TAOK3: variants seen among roughly 807,000 people sequenced by gnomAD.
The protein encoded by TAOK3 is TAO kinase 3.
TAOK3 carries 40 observed loss-of-function variants against 120.4 expected under a neutral mutation model. That is an observed-to-expected ratio of 0.33 (90% CI 0.26 to 0.43). The LOEUF (loss-of-function observed/expected upper bound fraction) is 0.43. TAOK3 is among the 20% of genes least tolerant of loss of function. The pLI is 1.00. For synonymous variants in TAOK3, 355 were observed against 387.5 expected (o/e 0.92, Z 0.99); for missense variants, 821 against 1,112.1 (o/e 0.74, Z 3.72).
At chr12:118,240,110 GAT>G (rs1162619020) in intron 5 of TAOK3, among the ~76,000 whole-genome samples, 1 of 151,998 alleles carries the variant, frequency 6.6e-6, no homozygotes, top group Non-Finnish European at 1.5e-5. Context: ...GGAGGCTATC[GAT>G]AGTTATTGGG....
intron 17 of TAOK3, among the ~76,000 whole-genome samples, chr12:118,168,522 T>C (rs992539215): frequency 2.0e-5 from 3 of 152,238 alleles, no homozygotes; most frequent in Non-Finnish European, 4.4e-5. Flanking sequence ...AAAAGAACTT[T>C]CACTACTTAG....
At chr12:118,292,734 A>C (rs2042532062) in intron 1 of TAOK3, among the ~76,000 whole-genome samples, 2 of 152,166 alleles carry the variant, frequency 1.3e-5, no homozygotes, top group South Asian at 2.1e-4. Flanking sequence ...GAACTACAAG[A>C]CTGCTGAATA....
chr12:118,222,576 T>C (rs1019681355), intron 9 of TAOK3, among the ~76,000 whole-genome samples: 3 of 151,390 alleles, frequency 2.0e-5, no homozygotes, highest in Non-Finnish European at 4.4e-5. Context: ...ATATACACCA[T>C]GGAGTACTAC....
chr12:118,196,564 A>C (rs574064169), intron 13 of TAOK3, among the ~76,000 whole-genome samples: 80 of 152,302 alleles, frequency 5.3e-4, no homozygotes, highest in Middle Eastern at 3.4e-3. Context: ...TGATTATAAC[A>C]ATCAAGGGAC....
intron 1 of TAOK3, among the ~76,000 whole-genome samples, chr12:118,308,207 C>G (rs1000413078): frequency 6.6e-6 from 1 of 151,964 alleles, no homozygotes; most frequent in African/African-American, 2.4e-5. Context: ...AATGCCATGA[C>G]AGTTTACAGA....
At position 118,332,975 on chromosome 12, in the gene TAOK3, A is replaced by AACACACACACACACACACACACACAC. The variant is rs146893418; in HGVS notation, c.-194+39672_-194+39673insGTGTGTGTGTGTGTGTGTGTGTGTGT. ...TGTACATGCACCAAACAACAGTTTC[A>AACACACACACACACACACACACACAC]ACACACACACACACACACACAGATA... is the stretch of plus-strand genomic sequence containing the variant. On this transcript the variant is annotated intron_variant, in intron 1 of 20. Coordinates refer to ENST00000392533, the MANE Select transcript of TAOK3 (RefSeq NM_016281.4). Among the ~76,000 whole-genome samples, 774 of 149,720 alleles carry AACACACACACACACACACACACACAC rather than the reference A, an allele frequency of 5.2e-3. 7 individuals are homozygous for AACACACACACACACACACACACACAC. Among genetic ancestry groups the AACACACACACACACACACACACACAC allele is most frequent in the South Asian group, 0.02 (96 of 4,728 alleles).
At position 118,306,399 on chromosome 12, in the gene TAOK3, A is replaced by T. The variant is rs1348610548; in HGVS notation, c.-193-39640T>A. Reference sequence around the variant, plus strand: ...CACTATGTTGCCCAGGCTAGTGTCGAACTCCTGGGCTCAAGTGATCCTCCT... The same window carrying T: ...CACTATGTTGCCCAGGCTAGTGTCGTACTCCTGGGCTCAAGTGATCCTCCT... On this transcript the variant is annotated intron_variant, in intron 1 of 20. Transcript: ENST00000392533. Among the ~76,000 whole-genome samples, 6 of 152,088 alleles carry T rather than the reference A, an allele frequency of 3.9e-5. No homozygotes were observed. The East Asian group carries it at 7.7e-4, about 20-fold the overall frequency.
At chr12:118,213,906 A>T in intron 10 of TAOK3, 111 bp downstream of exon 10, 1 of 903,618 alleles carries the variant, frequency 1.1e-6, no homozygotes, top group Non-Finnish European at 1.7e-6. Context: ...AACAACATAC[A>T]GTGAAGGAAA....
chr12:118,358,361 T>A (rs192208005), intron 1 of TAOK3, among the ~76,000 whole-genome samples: 1 of 152,218 alleles, frequency 6.6e-6, no homozygotes, highest in East Asian at 1.9e-4. Context: ...CTGACTTTTC[T>A]GTCTCTAAAT....
intron 9 of TAOK3, among the ~76,000 whole-genome samples, chr12:118,216,797 C>T (rs964585730): frequency 4.6e-5 from 7 of 151,870 alleles, no homozygotes; most frequent in Non-Finnish European, 8.8e-5. Flanking sequence ...GGCGTGGTGG[C>T]GGGCACCTGT....
intron 3 of TAOK3, among the ~76,000 whole-genome samples, chr12:118,249,956 G>T (rs1333112732): frequency 6.6e-6 from 1 of 152,126 alleles, no homozygotes; most frequent in Non-Finnish European, 1.5e-5. Flanking sequence ...GCTTTAGGTG[G>T]GTTATGGATA....
chr12:118,366,915 C>T (rs2045755402), intron 1 of TAOK3, among the ~76,000 whole-genome samples: 2 of 152,168 alleles, frequency 1.3e-5, no homozygotes, highest in Non-Finnish European at 2.9e-5. Context: ...CATGGTGAAA[C>T]CCCATCTCTA....
chr12:118,350,263 G>A (rs1008122634), intron 1 of TAOK3, among the ~76,000 whole-genome samples: 8 of 152,102 alleles, frequency 5.3e-5, no homozygotes, highest in Non-Finnish European at 1.2e-4. Flanking sequence ...TCTTCACAAT[G>A]AGGGGTACAT....
intron 11 of TAOK3, among the ~76,000 whole-genome samples, chr12:118,207,642 G>T (rs2038394990): frequency 6.6e-6 from 1 of 152,108 alleles, no homozygotes. Flanking sequence ...ATTACTTGAG[G>T]TCAGGAGTTT....
intron 11 of TAOK3, 83 bp downstream of exon 11, chr12:118,212,831 G>A (rs2139474536): frequency 2.1e-6 from 2 of 947,410 alleles, no homozygotes; most frequent in Non-Finnish European, 3.2e-6. Context: ...TTGTCATGAT[G>A]AGCTGCCACA....
rs550574889 is a variant in TAOK3 at position 118,226,576 on chromosome 12, C to T, written c.643+7098G>A. On this transcript the variant is annotated intron_variant, in intron 9 of 20. Transcript: ENST00000392533. ...ATTTACAGACTTGAGATAATTTGAC[C>T]AAAGTCAGACAACTACAAAATGGCA... 1.1e-4 allele frequency among the ~76,000 whole-genome samples: 17 copies of T among 151,094 alleles called. No individual in the cohort carries two copies. The South Asian group carries it at 3.6e-3, about 32-fold the overall frequency.
intron 16 of TAOK3, 127 bp from the exon 17 acceptor site, chr12:118,172,787 G>A: frequency 2.4e-6 from 2 of 825,662 alleles, no homozygotes; most frequent in Non-Finnish European, 3.9e-6. Flanking sequence ...GCTTAGTGTT[G>A]CACATCCTTC....
chr12:118,200,776 T>TCC (rs2037979699), intron 12 of TAOK3: 2 of 152,444 alleles, frequency 1.3e-5, no homozygotes, highest in South Asian at 4.1e-4. Context: ...CTTAAACTCC[T>TCC]CCTTATCTGT....
intron 11 of TAOK3, among the ~76,000 whole-genome samples, chr12:118,203,284 AAAC>A (rs1292188379): frequency 1.3e-5 from 2 of 152,194 alleles, no homozygotes; most frequent in Non-Finnish European, 2.9e-5. Flanking sequence ...TGAGGAGTGA[AAAC>A]AACTGCCCTA....
Sources: allele counts gnomAD v4.1 joint callset (sites outside exome capture counted in the v4.1 genomes callset), GRCh38; gene constraint gnomAD v4.1.1; transcripts MANE v1.5; gene names NCBI Gene and HGNC (gene_info 2026-07-23, HGNC 2026-07-21).